The following RBPMS variants were observed in gnomAD, a reference collection of about 807,000 sequenced individuals.
The protein encoded by RBPMS is RNA binding protein, mRNA processing factor, also known as RNA-binding protein with multiple splicing.
Under a neutral mutation model 26.8 loss-of-function variants are expected in RBPMS, and 7 were observed. That is an observed-to-expected ratio of 0.26 (90% confidence interval 0.15 to 0.49). The LOEUF (loss-of-function observed/expected upper bound fraction) is 0.49, where lower values mean the gene tolerates loss of function less well. Ranked by LOEUF, RBPMS falls within the 20% of genes least tolerant of loss-of-function variation. The probability of loss-of-function intolerance (pLI) is 0.98; values close to 1 mark genes in which losing one functional copy is unlikely to be tolerated. For missense variants in RBPMS, 186 were observed against 250.0 expected (o/e 0.74, Z 1.73); for synonymous variants, 96 against 93.3 (o/e 1.03, Z -0.17).
chr8:30,488,726 C>G (rs1241331386), intron 4 of RBPMS, among the ~76,000 whole-genome samples: 3 of 152,156 alleles, frequency 2.0e-5, no homozygotes, highest in African/African-American at 7.2e-5. Context: ...AATACACTGA[C>G]ATTAAAAACA....
Position 30,571,363 on chromosome 8 carries a change from T to A in RBPMS, c.*838T>A, listed in dbSNP as rs1009385359. 7 of 152,248 alleles carry A rather than the reference T, an allele frequency of 4.6e-5. No individual in the cohort carries two copies. The highest frequency in any genetic ancestry group is 3.9e-4 in the Admixed American group (6 of 15,284). The allele number at this position is 152,248 out of a possible 1,614,324, so 9.4% of individuals were successfully genotyped here. ...GTACAGTTTTATGTTTCCACTCTCC[T>A]GTATGTGTAGCCACTCGATGCCTAA... On this transcript the variant is annotated 3_prime_UTR_variant, in exon 9 of 9. Transcript: ENST00000397323.
intron 1 of RBPMS, among the ~76,000 whole-genome samples, chr8:30,466,912 T>C (rs906993708): frequency 6.6e-6 from 1 of 152,124 alleles, no homozygotes; most frequent in Non-Finnish European, 1.5e-5. Context: ...CTTTTCTAAA[T>C]CCTATGGTTA....
intron 1 of RBPMS, among the ~76,000 whole-genome samples, chr8:30,462,141 G>A (rs1815986433): frequency 6.6e-6 from 1 of 152,266 alleles, no homozygotes; most frequent in African/African-American, 2.4e-5. Flanking sequence ...GTGCCCAAGG[G>A]TACAACTGCT....
intron 1 of RBPMS, among the ~76,000 whole-genome samples, chr8:30,454,857 C>CT (rs1238580125): frequency 1.2e-4 from 18 of 152,314 alleles, no homozygotes; most frequent in South Asian, 8.3e-4. Flanking sequence ...GAGTCTTACT[C>CT]TGTTAGCCCA....
chr8:30,443,947 C>T (rs1198036318), intron 1 of RBPMS, among the ~76,000 whole-genome samples: 1 of 150,942 alleles, frequency 6.6e-6, no homozygotes, highest in East Asian at 2.0e-4. Flanking sequence ...GTCTCTATTG[C>T]CCAGGCTGGA....
At chr8:30,560,683 C>A (rs1013243061) in intron 7 of RBPMS, among the ~76,000 whole-genome samples, 5 of 152,110 alleles carry the variant, frequency 3.3e-5, no homozygotes, top group African/African-American at 7.2e-5. Flanking sequence ...AATTTCTTTA[C>A]CCAAAGATTC....
chr8:30,519,644 C>T (rs1049763810), intron 5 of RBPMS, among the ~76,000 whole-genome samples: 7 of 151,780 alleles, frequency 4.6e-5, no homozygotes, highest in African/African-American at 7.3e-5. Flanking sequence ...CCACTGCGCC[C>T]GGCTAATATT....
At chr8:30,434,619 A>G (rs1812254209) in intron 1 of RBPMS, among the ~76,000 whole-genome samples, 1 of 151,022 alleles carries the variant, frequency 6.6e-6, no homozygotes, top group South Asian at 2.1e-4. Context: ...CAGGACAGTC[A>G]CTTGAACCGG....
intron 1 of RBPMS, among the ~76,000 whole-genome samples, chr8:30,428,301 G>A (rs1478342984): frequency 6.6e-6 from 1 of 151,644 alleles, no homozygotes; most frequent in East Asian, 2.0e-4. Context: ...GATTACAGGT[G>A]TGAGCCACTG....
Position 30,504,456 on chromosome 8 carries a change from A to C in RBPMS, c.397+20A>C. ...AGCCATGTAAGTCGATCTACTTTTC[A>C]TTCAAAAGTAATAATAACTAAGAAC... On this transcript the variant is annotated intron_variant, in intron 5 of 8. Transcript: ENST00000397323. The C allele has an allele frequency of 3.1e-6, 5 of 1,610,990 alleles. No individual in the cohort carries two copies. Among genetic ancestry groups the C allele is most frequent in the Non-Finnish European group, 4.2e-6 (5 of 1,177,306 alleles).
chr8:30,461,183 T>C (rs1255859723), intron 1 of RBPMS, among the ~76,000 whole-genome samples: 1 of 152,204 alleles, frequency 6.6e-6, no homozygotes, highest in Non-Finnish European at 1.5e-5. Flanking sequence ...TTCATTGATG[T>C]TGATATAATT....
At chr8:30,531,714 A>G (rs186090483) in intron 5 of RBPMS, among the ~76,000 whole-genome samples, 6 of 152,368 alleles carry the variant, frequency 3.9e-5, no homozygotes, top group Admixed American at 1.3e-4. Flanking sequence ...CAGTGTGACT[A>G]TTAACCTCCT....
At chr8:30,564,042 G>A (rs1827710717) in intron 7 of RBPMS, 1 of 152,212 alleles carries the variant, frequency 6.6e-6, no homozygotes, top group Admixed American at 6.5e-5. Context: ...AGTTTGGGTG[G>A]TGATAGTATT....
At chr8:30,407,999 C>G (rs923851465) in intron 1 of RBPMS, among the ~76,000 whole-genome samples, 5 of 151,982 alleles carry the variant, frequency 3.3e-5, no homozygotes, top group African/African-American at 1.2e-4. Context: ...CAACACAGGA[C>G]TTGTGTAAGC....
intron 4 of RBPMS, among the ~76,000 whole-genome samples, chr8:30,501,771 AG>A (rs1820582243): frequency 3.3e-5 from 5 of 152,242 alleles, no homozygotes; most frequent in Admixed American, 3.3e-4. Context: ...TTCACTTGGC[AG>A]TAATCTTATC....
chr8:30,557,666 C>T (rs1245211804), intron 6 of RBPMS, among the ~76,000 whole-genome samples: 1 of 152,208 alleles, frequency 6.6e-6, no homozygotes. Context: ...GAGGGCATCG[C>T]CTCACCTGGC....
chr8:30,541,718 A>G (rs1417742917), intron 5 of RBPMS, among the ~76,000 whole-genome samples: 3 of 152,106 alleles, frequency 2.0e-5, no homozygotes, highest in African/African-American at 4.8e-5. Flanking sequence ...TCCATCCTGT[A>G]AAGTTTGAGC....
intron 4 of RBPMS, 103 bp downstream of exon 4, chr8:30,479,480 A>C: frequency 1.2e-6 from 1 of 833,754 alleles, no homozygotes; most frequent in Non-Finnish European, 2.0e-6. Flanking sequence ...ATGACTGCAC[A>C]GTCTAAGAGG....
chr8:30,540,906 G>T (rs539901934), intron 5 of RBPMS, among the ~76,000 whole-genome samples: 219 of 152,324 alleles, frequency 1.4e-3, no homozygotes, highest in African/African-American at 5.1e-3. Context: ...CCAGGTCTGT[G>T]GCTTGGGCAG....
Sources: gnomAD v4.1 joint callset for allele counts (sites outside exome capture counted in the v4.1 genomes callset) on GRCh38, gnomAD v4.1.1 for gene constraint, MANE v1.5 for transcripts, NCBI Gene and HGNC (gene_info 2026-07-23, HGNC 2026-07-21) for gene names.